Variants in KIF21A observed in about 807,000 individuals in gnomAD.
KIF21A encodes the protein kinesin-like protein KIF21A.
A neutral mutation model predicts 202.9 loss-of-function variants in KIF21A; 114 were observed. The observed-to-expected ratio is 0.56, with a 90% CI of 0.48 to 0.66. The LOEUF (loss-of-function observed/expected upper bound fraction) is 0.66, where lower values mean the gene tolerates loss of function less well. Among genes scored for constraint, KIF21A ranks in the 30% least tolerant of loss-of-function variants. The probability of loss-of-function intolerance (pLI) is 0.00; values close to 1 mark genes in which losing one functional copy is unlikely to be tolerated. For missense variants in KIF21A, 1,677 were observed against 1,994.9 expected (o/e 0.84, Z 3.04); for synonymous variants, 667 against 670.8 (o/e 0.99, Z 0.09).
intron 10 of KIF21A, among the ~76,000 whole-genome samples, chr12:39,355,210 G>A (rs566871307): frequency 6.6e-6 from 1 of 152,286 alleles, no homozygotes; most frequent in East Asian, 1.9e-4. Context: ...CTTAAGGAAG[G>A]AATAGTCTTA....
At chr12:39,391,375 T>C (rs1951337158) in intron 1 of KIF21A, among the ~76,000 whole-genome samples, 1 of 152,128 alleles carries the variant, frequency 6.6e-6, no homozygotes, top group Non-Finnish European at 1.5e-5. Flanking sequence ...TCTATCTAAA[T>C]GGGTTTTATA....
intron 29 of KIF21A, among the ~76,000 whole-genome samples, chr12:39,317,825 G>C (rs1944731760): frequency 6.6e-6 from 1 of 152,160 alleles, no homozygotes; most frequent in Non-Finnish European, 1.5e-5. Context: ...TAAAAGAAAA[G>C]GCAAGACAAG....
chr12:39,416,012 G>T (rs1303665782), intron 1 of KIF21A, among the ~76,000 whole-genome samples: 1 of 152,186 alleles, frequency 6.6e-6, no homozygotes, highest in Non-Finnish European at 1.5e-5. Context: ...TAACTAAGGT[G>T]CAGGGAGCAA....
chr12:39,326,230 A>T (rs1353729335), intron 25 of KIF21A, 34 bp downstream of exon 25: 1 of 1,444,556 alleles, frequency 6.9e-7, no homozygotes, highest in South Asian at 1.1e-5. Context: ...ATATGTAAAT[A>T]AGTCAACTCT....
At chr12:39,428,453 T>C (rs1029417536) in intron 1 of KIF21A, among the ~76,000 whole-genome samples, 5 of 152,236 alleles carry the variant, frequency 3.3e-5, no homozygotes, top group Non-Finnish European at 7.3e-5. Context: ...TCAGTGGCTA[T>C]TATTGTGTCA....
At chr12:39,354,050 T>A (rs1470180811) in intron 10 of KIF21A, among the ~76,000 whole-genome samples, 1 of 152,170 alleles carries the variant, frequency 6.6e-6, no homozygotes. Flanking sequence ...AAGGCCCCAC[T>A]CTTCCCTTTG....
At chr12:39,410,649 T>C (rs927509331) in intron 1 of KIF21A, among the ~76,000 whole-genome samples, 4 of 152,106 alleles carry the variant, frequency 2.6e-5, no homozygotes, top group African/African-American at 9.7e-5. Context: ...AGCACACAAG[T>C]AACATTTACT....
chr12:39,377,972 A>G (rs924011549), intron 1 of KIF21A, among the ~76,000 whole-genome samples: 1 of 152,208 alleles, frequency 6.6e-6, no homozygotes, highest in African/African-American at 2.4e-5. Flanking sequence ...TATGAAGTTT[A>G]TTCTTAATAA....
In KIF21A at chr12:39,375,264, T is replaced by C. The variant is rs376732218; in HGVS notation, c.45-5003A>G. ...TTTTGGGGGAAAGGCTTATACTTGC[T>C]ACCTTTTCAACTAGAGTTTTAGTCA... On this transcript the variant is annotated intron_variant, in intron 1 of 37. Transcript: ENST00000361418. Among the ~76,000 whole-genome samples, 150 of 152,300 alleles carry C rather than the reference T, an allele frequency of 9.8e-4. 1 individual carries two copies. The highest frequency in any genetic ancestry group is 3.3e-3 in the African/African-American group (138 of 41,570).
chr12:39,295,515 G>A (rs941104019), intron 37 of KIF21A, among the ~76,000 whole-genome samples: 7 of 151,976 alleles, frequency 4.6e-5, no homozygotes, highest in South Asian at 2.1e-4. Flanking sequence ...TAGAACCCAG[G>A]CTTTCTAGAT....
chr12:39,361,112 A>T (rs1949172797), intron 7 of KIF21A, among the ~76,000 whole-genome samples: 1 of 152,238 alleles, frequency 6.6e-6, no homozygotes, highest in Non-Finnish European at 1.5e-5. Flanking sequence ...ACTCAGCAGA[A>T]ATTCAAGATC....
chr12:39,442,900 C>T lies in KIF21A; in HGVS notation c.44+27G>A. On this transcript the variant is annotated intron_variant, in intron 1 of 37. Transcript: ENST00000361418. The surrounding 1 kb of genome is among the most constrained non-coding windows in gnomAD (Gnocchi z 5.0). ...GCCGCGCCCTCAACCCGCCGCCCGC[C>T]GCCCGCCGCCGGCAGACTGTCCTCA... 1 of 1,523,514 alleles carries T rather than the reference C, an allele frequency of 6.6e-7. No homozygotes were observed. 94.4% of individuals were successfully genotyped at this position (1,523,514 alleles called of 1,614,324 possible).
chr12:39,382,010 C>G (rs1480216934), intron 1 of KIF21A, among the ~76,000 whole-genome samples: 3 of 152,164 alleles, frequency 2.0e-5, no homozygotes, highest in Non-Finnish European at 4.4e-5. Flanking sequence ...AAATGGGGAC[C>G]TCAGTCATAT....
intron 11 of KIF21A, 99 bp from the exon 12 acceptor site, chr12:39,346,603 A>T: frequency 1.4e-6 from 1 of 716,744 alleles, no homozygotes; most frequent in Non-Finnish European, 2.1e-6. Flanking sequence ...ATGATACATG[A>T]GCTTGAAGAC....
intron 37 of KIF21A, among the ~76,000 whole-genome samples, chr12:39,299,496 G>T (rs767271807): frequency 6.6e-6 from 1 of 152,122 alleles, no homozygotes; most frequent in Admixed American, 6.5e-5. Context: ...CTTATACACT[G>T]GTTAGTAGGA....
intron 1 of KIF21A, among the ~76,000 whole-genome samples, chr12:39,423,836 T>C (rs756110016): frequency 4.0e-5 from 6 of 151,004 alleles, no homozygotes; most frequent in Admixed American, 1.3e-4. Context: ...ATACAAAAAT[T>C]AGCTGGGCAT....
intron 26 of KIF21A, among the ~76,000 whole-genome samples, chr12:39,324,420 C>T (rs1417200415): frequency 6.6e-6 from 1 of 152,138 alleles, no homozygotes; most frequent in Non-Finnish European, 1.5e-5. Context: ...GAGATTCTCT[C>T]CTTTGCTTAG....
intron 1 of KIF21A, among the ~76,000 whole-genome samples, chr12:39,394,680 C>G (rs1208811675): frequency 6.6e-6 from 1 of 152,052 alleles, no homozygotes; most frequent in South Asian, 2.1e-4. Context: ...AGTCAGAAAA[C>G]CCAGATCTAC....
chr12:39,341,574 C>G lies in KIF21A; in HGVS notation c.1852G>C (p.Glu618Gln). 1 of 1,610,392 alleles carries G rather than the reference C, an allele frequency of 6.2e-7. No individual in the cohort carries two copies. The highest frequency in any genetic ancestry group is 8.5e-7 in the Non-Finnish European group (1 of 1,177,268). ...CCATCAATGTCATCTTCCTCCTCCT[C>G]CTCCTCCTCTTCTTCATCCTCATGA... ...SDHEDEEEEE[E>Q]EEEDDIDGGE... The change falls in exon 14 of 38, where the codon GAG becomes CAG. Residue 618 changes from glutamate to glutamine, a missense_variant. Glu to Gln is a conservative substitution (Grantham distance 29). Transcript: ENST00000361418.
Sources: allele counts gnomAD v4.1 joint callset (sites outside exome capture counted in the v4.1 genomes callset), GRCh38; gene constraint gnomAD v4.1.1; non-coding constraint Gnocchi (gnomAD v3.1); transcripts MANE v1.5; gene names NCBI Gene and HGNC (gene_info 2026-07-23, HGNC 2026-07-21).